Variants in SNX29 observed in about 807,000 individuals in gnomAD.
The protein encoded by SNX29 is sorting nexin 29, also known as sorting nexin-29.
A neutral mutation model predicts 102.1 loss-of-function variants in SNX29; 78 were observed. That is an observed-to-expected ratio of 0.76 (90% CI 0.64 to 0.92). SNX29 has a LOEUF of 0.92. SNX29 is among the 40% of genes least tolerant of loss of function. The probability of loss-of-function intolerance (pLI) is 0.00; values close to 1 mark genes in which losing one functional copy is unlikely to be tolerated. For missense variants in SNX29, 1,280 were observed against 1,061.7 expected, an observed-to-expected ratio of 1.21 and a Z score of -2.86; for synonymous variants, 580 against 414.5, an observed-to-expected ratio of 1.40 and a Z score of -4.85.
At chr16:12,421,402 C>T (rs2084865376) in intron 18 of SNX29, among the ~76,000 whole-genome samples, 1 of 152,138 alleles carries the variant, frequency 6.6e-6, no homozygotes, top group Admixed American at 6.5e-5. Context: ...GGCTTCAGTT[C>T]CCCAGGCTCT....
intron 15 of SNX29, among the ~76,000 whole-genome samples, chr16:12,341,757 CGT>C (rs2081616664): frequency 6.6e-6 from 1 of 152,200 alleles, no homozygotes; most frequent in Non-Finnish European, 1.5e-5. Context: ...ACCTGGAACT[CGT>C]TGGCCCTAAG....
chr16:12,545,405 C>T (rs530062722), intron 20 of SNX29: 15 of 152,316 alleles, frequency 9.8e-5, no homozygotes, highest in South Asian at 6.2e-4. Flanking sequence ...GCTTCCTAAC[C>T]GGGTCCTGCC....
intron 13 of SNX29, among the ~76,000 whole-genome samples, chr16:12,194,239 G>T (rs1235012055): frequency 6.6e-6 from 1 of 152,124 alleles, no homozygotes; most frequent in Non-Finnish European, 1.5e-5. Context: ...TTCATCTTTT[G>T]GAGCTGTTAT....
At chr16:12,075,317 G>A (rs1274147229) in intron 10 of SNX29, among the ~76,000 whole-genome samples, 2 of 152,184 alleles carry the variant, frequency 1.3e-5, no homozygotes, top group African/African-American at 2.4e-5. Context: ...GGTCTTTGAT[G>A]ATGGTGATGT....
chr16:12,250,721 A>G (rs1443478218), intron 14 of SNX29, among the ~76,000 whole-genome samples: 1 of 152,240 alleles, frequency 6.6e-6, no homozygotes, highest in Non-Finnish European at 1.5e-5. Flanking sequence ...TAACTGCCCC[A>G]TGTGTGAGGT....
chr16:12,356,334 G>A (rs2082136119), intron 16 of SNX29, 55 bp downstream of exon 16: 1 of 1,492,412 alleles, frequency 6.7e-7, no homozygotes, highest in Non-Finnish European at 9.1e-7. Context: ...CCACAGCCCA[G>A]TAGAAAAGCA....
At chr16:12,228,933 C>T (rs1392710118) in intron 14 of SNX29, among the ~76,000 whole-genome samples, 4 of 152,224 alleles carry the variant, frequency 2.6e-5, no homozygotes, top group African/African-American at 9.6e-5. Flanking sequence ...GAGCCTCCAC[C>T]GAGTCTTCTG....
intron 11 of SNX29, among the ~76,000 whole-genome samples, chr16:12,091,271 C>A (rs2052530098): frequency 6.6e-6 from 1 of 152,036 alleles, no homozygotes; most frequent in South Asian, 2.1e-4. Flanking sequence ...CCCCTCCTTG[C>A]CGTTCCTGGA....
chr16:12,369,436 G>A lies in SNX29; in HGVS notation c.1899+13157G>A, dbSNP rs113124859. ...CAGGCGTGAGCCACCGTGCCCGGCC[G>A]CATGTTCATATCTTAATATGATGTC... On this transcript the variant is annotated intron_variant, in intron 16 of 20. Transcript: ENST00000566228. Among the ~76,000 whole-genome samples, 747 of 152,064 alleles carry A rather than the reference G, an allele frequency of 4.9e-3. 5 individuals carry two copies. Among genetic ancestry groups the A allele is most frequent in the African/African-American group, 0.017 (722 of 41,512 alleles).
intron 15 of SNX29, among the ~76,000 whole-genome samples, chr16:12,302,305 C>T (rs1448655372): frequency 6.6e-6 from 1 of 152,246 alleles, no homozygotes; most frequent in African/African-American, 2.4e-5. Context: ...TCTACAGTTA[C>T]AGCAGGCACA....
At chr16:12,536,630 G>A (rs905234632) in intron 20 of SNX29, among the ~76,000 whole-genome samples, 1 of 152,196 alleles carries the variant, frequency 6.6e-6, no homozygotes, top group Non-Finnish European at 1.5e-5. Flanking sequence ...TGCAGCAGGG[G>A]TGTATACAGC....
chr16:12,272,339 C>T (rs1027489472), intron 14 of SNX29, among the ~76,000 whole-genome samples: 3 of 152,160 alleles, frequency 2.0e-5, no homozygotes, highest in Admixed American at 1.3e-4. Context: ...GCAGGACCTC[C>T]TTGCAGAGGG....
intron 18 of SNX29, among the ~76,000 whole-genome samples, chr16:12,415,119 G>C (rs2151562055): frequency 6.6e-6 from 1 of 152,352 alleles, no homozygotes; most frequent in East Asian, 1.9e-4. Context: ...GGGAGGCAAG[G>C]CTCCAAGTCC....
intron 14 of SNX29, among the ~76,000 whole-genome samples, chr16:12,247,705 T>C (rs2078299942): frequency 6.6e-6 from 1 of 152,200 alleles, no homozygotes; most frequent in Non-Finnish European, 1.5e-5. Flanking sequence ...GTTTAAAAAG[T>C]CCCACTTCCC....
chr16:12,553,651 C>G (rs1201605080), intron 20 of SNX29, among the ~76,000 whole-genome samples: 2 of 142,538 alleles, frequency 1.4e-5, no homozygotes, highest in East Asian at 2.1e-4. Context: ...AGTGCAATGA[C>G]GTGATCTTGG....
At chr16:12,508,736 A>G (rs2089483201) in intron 19 of SNX29, among the ~76,000 whole-genome samples, 2 of 151,966 alleles carry the variant, frequency 1.3e-5, no homozygotes, top group Non-Finnish European at 2.9e-5. Context: ...GGTTTCTTTT[A>G]TCTCCACCAG....
At chr16:12,548,136 T>C (rs2077726194) in intron 20 of SNX29, among the ~76,000 whole-genome samples, 2 of 152,216 alleles carry the variant, frequency 1.3e-5, no homozygotes, top group African/African-American at 2.4e-5. Context: ...AGGAATTTTC[T>C]ATCCCTGTTC....
intron 14 of SNX29, among the ~76,000 whole-genome samples, chr16:12,209,960 C>T (rs2077140512): frequency 6.6e-6 from 1 of 152,244 alleles, no homozygotes; most frequent in Non-Finnish European, 1.5e-5. Flanking sequence ...GAGACGAATT[C>T]GTTTGGGTTG....
intron 20 of SNX29, among the ~76,000 whole-genome samples, chr16:12,531,030 G>A: frequency 6.6e-6 from 1 of 152,240 alleles, no homozygotes; most frequent in East Asian, 1.9e-4. Context: ...CATTTTGGCA[G>A]GTAGAGCTAC....
Sources: gnomAD v4.1 joint callset for allele counts (sites outside exome capture counted in the v4.1 genomes callset) on GRCh38, gnomAD v4.1.1 for gene constraint, MANE v1.5 for transcripts, NCBI Gene and HGNC (gene_info 2026-07-23, HGNC 2026-07-21) for gene names.